The following MICU3 variants were observed in gnomAD, a reference collection of about 807,000 sequenced individuals.
MICU3 encodes calcium uptake protein 3, mitochondrial.
A neutral mutation model predicts 66.5 loss-of-function variants in MICU3; 62 were observed. The observed-to-expected ratio is 0.93, with a 90% CI of 0.76 to 1.15. The LOEUF is 1.15. Among genes scored for constraint, MICU3 ranks in the 50% most tolerant of loss-of-function variants. MICU3 has a pLI of 0.00. For missense variants in MICU3, 779 were observed against 664.4 expected, an observed-to-expected ratio of 1.17 and a Z score of -1.90; for synonymous variants, 308 against 240.7, an observed-to-expected ratio of 1.28 and a Z score of -2.59.
At position 17,121,187 on chromosome 8, in the gene MICU3, G is replaced by A. The variant is rs374689246; in HGVS notation, c.*900G>A. On this transcript the variant is annotated 3_prime_UTR_variant, in exon 15 of 15. Transcript: ENST00000318063. ...AACTTACTGCATATTGTTAATGTAT[G>A]TCTAGCATCAAATGAGTATTGTAAA... 6.6e-6 allele frequency: 1 copy of A among 151,848 alleles called. No homozygotes were observed. The highest frequency in any genetic ancestry group is 1.5e-5 in the Non-Finnish European group (1 of 67,808). The allele number at this position is 151,848 out of a possible 1,614,324, so 9.4% of individuals were successfully genotyped here. A position where few individuals can be genotyped will look rare whatever the true frequency, so the allele number is the denominator to read the frequency against.
At chr8:17,103,777 G>C (rs756301163) in intron 9 of MICU3, among the ~76,000 whole-genome samples, 15 of 151,782 alleles carry the variant, frequency 9.9e-5, no homozygotes, top group Non-Finnish European at 1.6e-4. Context: ...CATTTGACGT[G>C]TTACGTAAGA....
intron 12 of MICU3, among the ~76,000 whole-genome samples, chr8:17,116,216 C>T (rs187591763): frequency 2.0e-5 from 3 of 152,290 alleles, no homozygotes; most frequent in African/African-American, 7.2e-5. Context: ...AAACATTCAT[C>T]GAATGTGAAT....
intron 8 of MICU3, among the ~76,000 whole-genome samples, chr8:17,090,950 C>T (rs749036952): frequency 6.6e-6 from 1 of 152,084 alleles, no homozygotes; most frequent in Non-Finnish European, 1.5e-5. Context: ...TGAACCAGAT[C>T]TATCCACCTT....
At chr8:17,089,504 C>T (rs1431750602) in intron 7 of MICU3, among the ~76,000 whole-genome samples, 1 of 151,884 alleles carries the variant, frequency 6.6e-6, no homozygotes, top group African/African-American at 2.4e-5. Flanking sequence ...AATATGATTC[C>T]ACATATTCTT....
At chr8:17,101,189 G>T (rs575771821) in intron 9 of MICU3, among the ~76,000 whole-genome samples, 1 of 151,820 alleles carries the variant, frequency 6.6e-6, no homozygotes, top group South Asian at 2.1e-4. Context: ...GTAAGATAAT[G>T]TCCTTTGAAT....
intron 4 of MICU3, among the ~76,000 whole-genome samples, chr8:17,080,078 A>G (rs536992631): frequency 6.6e-6 from 1 of 151,440 alleles, no homozygotes; most frequent in Non-Finnish European, 1.5e-5. Flanking sequence ...CTATATGCCT[A>G]GCTTTTTTTT....
chr8:17,072,476 C>G (rs1819738613), intron 3 of MICU3, among the ~76,000 whole-genome samples: 1 of 148,660 alleles, frequency 6.7e-6, no homozygotes, highest in South Asian at 2.1e-4. Context: ...TTAGATAAGA[C>G]ACAAAGCAAA....
the MICU3 span, among the ~76,000 whole-genome samples, chr8:17,137,417 A>G: frequency 1.3e-5 from 2 of 151,800 alleles, no homozygotes; most frequent in East Asian, 3.9e-4. Flanking sequence ...ATGATATTAA[A>G]TAGCACATAA....
At chr8:17,069,747 A>G (rs769333656) in intron 3 of MICU3, 28 bp downstream of exon 3, 1 of 1,363,090 alleles carries the variant, frequency 7.3e-7, no homozygotes, top group East Asian at 2.5e-5. Flanking sequence ...GTAGATATAC[A>G]CAAATTTTAT....
At chr8:17,079,963 G>A (rs1585382428) in intron 4 of MICU3, among the ~76,000 whole-genome samples, 1 of 152,062 alleles carries the variant, frequency 6.6e-6, no homozygotes, top group East Asian at 1.9e-4. Flanking sequence ...ATTAAACCAT[G>A]TAATGCTTTT....
chr8:17,099,481 G>C (rs1801070208), intron 9 of MICU3, among the ~76,000 whole-genome samples: 1 of 151,596 alleles, frequency 6.6e-6, no homozygotes, highest in Non-Finnish European at 1.5e-5. Flanking sequence ...ATCTAGACTA[G>C]GGCAAACACT....
the MICU3 span, among the ~76,000 whole-genome samples, chr8:17,136,384 G>A: frequency 1.3e-5 from 2 of 152,098 alleles, no homozygotes; most frequent in African/African-American, 4.8e-5. Flanking sequence ...GAAGTCCCTT[G>A]CACAGTTGGG....
intron 13 of MICU3, among the ~76,000 whole-genome samples, chr8:17,118,336 T>C (rs1802890326): frequency 6.6e-6 from 1 of 152,148 alleles, no homozygotes; most frequent in Non-Finnish European, 1.5e-5. Context: ...AATGTGATAT[T>C]TTGGTATATA....
intron 7 of MICU3, among the ~76,000 whole-genome samples, chr8:17,089,478 A>G (rs1799816277): frequency 6.6e-6 from 1 of 152,132 alleles, no homozygotes; most frequent in African/African-American, 2.4e-5. Context: ...GATGTTATCA[A>G]GGTGATAGAA....
intron 1 of MICU3, among the ~76,000 whole-genome samples, chr8:17,057,807 G>A (rs1473772463): frequency 6.6e-6 from 1 of 151,956 alleles, no homozygotes; most frequent in Non-Finnish European, 1.5e-5. Context: ...TTTCCCTGTT[G>A]ACCTTTTTTT....
intron 1 of MICU3, among the ~76,000 whole-genome samples, chr8:17,028,194 C>G (rs1811364009): frequency 6.6e-6 from 1 of 152,246 alleles, no homozygotes; most frequent in Middle Eastern, 3.4e-3. Context: ...TTGATGTTAC[C>G]AGGTCTGAAA....
At chr8:17,136,767 A>T in the MICU3 span, among the ~76,000 whole-genome samples, 1 of 151,378 alleles carries the variant, frequency 6.6e-6, no homozygotes. Context: ...AAGCCATTCT[A>T]CCCTAGGCTG....
intron 1 of MICU3, among the ~76,000 whole-genome samples, chr8:17,060,193 T>C (rs1214793225): frequency 4.6e-5 from 7 of 152,214 alleles, no homozygotes; most frequent in Non-Finnish European, 8.8e-5. Context: ...CTCTCCATCC[T>C]GTCTCATTCT....
intron 3 of MICU3, among the ~76,000 whole-genome samples, chr8:17,074,522 T>A (rs1820085622): frequency 6.6e-6 from 1 of 151,486 alleles, no homozygotes; most frequent in African/African-American, 2.4e-5. Flanking sequence ...GATTTAATAT[T>A]TGCAGCAACA....
Sources: allele counts gnomAD v4.1 joint callset (sites outside exome capture counted in the v4.1 genomes callset), GRCh38; gene constraint gnomAD v4.1.1; transcripts MANE v1.5; gene names NCBI Gene and HGNC (gene_info 2026-07-23, HGNC 2026-07-21).